SLBP: variants seen among roughly 807,000 people sequenced by gnomAD.
SLBP encodes the protein histone RNA hairpin-binding protein.
In SLBP, 29 loss-of-function variants were observed where a neutral mutation model predicts 39.2. The ratio of observed to expected loss-of-function variants is 0.74; its 90% confidence interval spans 0.55 to 1.01. SLBP has a LOEUF of 1.01. SLBP is among the 50% of genes least tolerant of loss of function. The pLI is 0.00. For missense variants in SLBP, 390 were observed against 350.2 expected (o/e 1.11, Z -0.91); for synonymous variants, 129 against 118.7 (o/e 1.09, Z -0.57).
At chr4:1,706,778 G>A (rs940775190) in intron 2 of SLBP, among the ~76,000 whole-genome samples, 3 of 117,536 alleles carry the variant, frequency 2.6e-5, no homozygotes, top group Admixed American at 8.4e-5. Flanking sequence ...GCAGTGAGCC[G>A]AGATCGTGCA....
chr4:1,693,778 C>T (rs1266336892), intron 7 of SLBP, 65 bp from the exon 8 acceptor site: 19 of 898,000 alleles, frequency 2.1e-5, no homozygotes, highest in Admixed American at 1.0e-4. Context: ...CCCCTTCCTA[C>T]ACCCCACTCC....
At chr4:1,702,256 C>A (rs1049919396) in intron 3 of SLBP, among the ~76,000 whole-genome samples, 1 of 152,312 alleles carries the variant, frequency 6.6e-6, no homozygotes, top group South Asian at 2.1e-4. Flanking sequence ...TGCAATAATT[C>A]ACTAAAAACA....
chr4:1,696,377 C>A, intron 5 of SLBP, 26 bp from the exon 6 acceptor site: 1 of 1,503,082 alleles, frequency 6.7e-7, no homozygotes, highest in Non-Finnish European at 8.9e-7. Context: ...TATTCTAGCA[C>A]ATGCCCACAT....
chr4:1,697,242 C>T (rs1716144292), intron 5 of SLBP, among the ~76,000 whole-genome samples: 1 of 145,082 alleles, frequency 6.9e-6, no homozygotes. Context: ...CTGAGGCAGG[C>T]AGATCACCTG....
chr4:1,699,408 C>A (rs1385158282), intron 5 of SLBP, among the ~76,000 whole-genome samples, 156 bp downstream of exon 5: 1 of 152,144 alleles, frequency 6.6e-6, no homozygotes, highest in Non-Finnish European at 1.5e-5. Context: ...CCAATCCATT[C>A]TTTATTTACG....
Position 1,692,959 on chromosome 4 carries a change from T to C in SLBP, c.*638A>G, listed in dbSNP as rs565939917. 1.3e-5 allele frequency: 2 copies of C among 152,800 alleles called. No homozygotes were observed. Among genetic ancestry groups the C allele is most frequent in the South Asian group, 4.1e-4 (2 of 4,836 alleles). The allele number at this position is 152,800 out of a possible 1,614,324, so 9.5% of individuals were successfully genotyped here. On this transcript the variant is annotated 3_prime_UTR_variant, in exon 8 of 8. Transcript: ENST00000489418. Reference sequence around the variant, plus strand: ...GGTAAATTAACTGATTGTTTTAAAATGTTCTTTCTAAATCGCTCCACTCTG... The same window carrying C: ...GGTAAATTAACTGATTGTTTTAAAACGTTCTTTCTAAATCGCTCCACTCTG...
In SLBP at chr4:1,694,740, C is replaced by A. The variant is rs1047801712; in HGVS notation, c.696+34G>T. 5 of 1,496,748 alleles carry A rather than the reference C, an allele frequency of 3.3e-6. No individual in the cohort carries two copies. In the East Asian group the frequency reaches 9.0e-5, roughly 27 times the overall value. 92.7% of individuals were successfully genotyped at this position (1,496,748 alleles called of 1,614,324 possible). A position where few individuals can be genotyped will look rare whatever the true frequency, so the allele number is the denominator to read the frequency against. On this transcript the variant is annotated intron_variant, in intron 7 of 7. Coordinates refer to ENST00000489418, the MANE Select transcript of SLBP (RefSeq NM_006527.4). ...TGTGTTATTAACAATTCACCTGCAA[C>A]CCCCAAGCTGAAAGACTTATCCAAA... is the stretch of plus-strand genomic sequence containing the variant.
chr4:1,703,553 A>T (rs766624547), intron 3 of SLBP, 43 bp downstream of exon 3: 1 of 1,239,062 alleles, frequency 8.1e-7, no homozygotes, highest in Non-Finnish European at 1.2e-6. Context: ...GTGTTACTGA[A>T]AACGCCACAG....
intron 6 of SLBP, among the ~76,000 whole-genome samples, chr4:1,695,754 C>G (rs1716082327): frequency 6.6e-6 from 1 of 151,174 alleles, no homozygotes; most frequent in African/African-American, 2.4e-5. Context: ...GCACTCCAGC[C>G]TCGGTGACAG....
intron 5 of SLBP, among the ~76,000 whole-genome samples, chr4:1,697,386 T>C (rs1253499328): frequency 6.6e-6 from 1 of 151,136 alleles, no homozygotes; most frequent in Non-Finnish European, 1.5e-5. Flanking sequence ...GGAGAATCAC[T>C]TGAACCCATG....
At chr4:1,695,801 A>G (rs1262962241) in intron 6 of SLBP, among the ~76,000 whole-genome samples, 1 of 151,942 alleles carries the variant, frequency 6.6e-6, no homozygotes, top group Non-Finnish European at 1.5e-5. Flanking sequence ...CAGAGAAAGA[A>G]AGCCTTCCTT....
At chr4:1,708,425 T>C (rs1431832289) in intron 2 of SLBP, among the ~76,000 whole-genome samples, 1 of 152,222 alleles carries the variant, frequency 6.6e-6, no homozygotes, top group Non-Finnish European at 1.5e-5. Flanking sequence ...ATTGGATTTC[T>C]AAAAGTAAAT....
At chr4:1,710,537 C>T (rs942564896) in intron 2 of SLBP, among the ~76,000 whole-genome samples, 4 of 152,168 alleles carry the variant, frequency 2.6e-5, no homozygotes, top group African/African-American at 9.7e-5. Context: ...GTGGTCTGTG[C>T]CTTTCTCCAG....
At chr4:1,697,739 G>A (rs999278495) in intron 5 of SLBP, among the ~76,000 whole-genome samples, 1 of 152,138 alleles carries the variant, frequency 6.6e-6, no homozygotes, top group Non-Finnish European at 1.5e-5. Flanking sequence ...AGCTACTTGG[G>A]AGGCTGAGGC....
chr4:1,694,216 G>A (rs1039786831), intron 7 of SLBP, among the ~76,000 whole-genome samples: 1 of 151,638 alleles, frequency 6.6e-6, no homozygotes, highest in Non-Finnish European at 1.5e-5. Flanking sequence ...CTGAGTAGCT[G>A]GGATTACATG....
At chr4:1,703,741 T>A (rs1716417631) in intron 2 of SLBP, 41 bp from the exon 3 acceptor site, 1 of 1,319,592 alleles carries the variant, frequency 7.6e-7, no homozygotes. Flanking sequence ...TGACACATAC[T>A]TTGTTTTCTT....
rs1715975968 is a variant in SLBP at position 1,693,020 on chromosome 4, C to T, written c.*577G>A. ...TCTTGGAGTATTCTAAAGAGTCTAA[C>T]TAGTGCTATTTACAAGTACCAAATT... On this transcript the variant is annotated 3_prime_UTR_variant, in exon 8 of 8. Coordinates refer to ENST00000489418, the MANE Select transcript of SLBP (RefSeq NM_006527.4). 6.5e-6 allele frequency: 1 copy of T among 153,442 alleles called. No homozygotes were observed. The highest frequency in any genetic ancestry group is 1.5e-5 in the Non-Finnish European group (1 of 68,586). 9.5% of individuals were successfully genotyped at this position (153,442 alleles called of 1,614,324 possible). A position where few individuals can be genotyped will look rare whatever the true frequency, so the allele number is the denominator to read the frequency against.
chr4:1,700,979 TA>T (rs1716302495), intron 3 of SLBP, among the ~76,000 whole-genome samples: 1 of 152,038 alleles, frequency 6.6e-6, no homozygotes, highest in Admixed American at 6.6e-5. Context: ...GGTAATGAAG[TA>T]ATTTATCTCC....
chr4:1,710,054 T>C (rs1716679414), intron 2 of SLBP, among the ~76,000 whole-genome samples: 1 of 152,192 alleles, frequency 6.6e-6, no homozygotes, highest in Admixed American at 6.5e-5. Flanking sequence ...GTGTCGAGGC[T>C]GGTCCCCAAC....
Sources: allele counts gnomAD v4.1 joint callset (sites outside exome capture counted in the v4.1 genomes callset), GRCh38; gene constraint gnomAD v4.1.1; transcripts MANE v1.5; gene names NCBI Gene and HGNC (gene_info 2026-07-23, HGNC 2026-07-21).